Variants in VRK2 observed in about 807,000 individuals in gnomAD.
VRK2 encodes the protein serine/threonine-protein kinase VRK2.
A neutral mutation model predicts 57.6 loss-of-function variants in VRK2; 60 were observed. The ratio of observed to expected loss-of-function variants is 1.04; its 90% CI spans 0.85 to 1.29. The LOEUF is 1.29. VRK2 is among the 50% of genes most tolerant of loss of function. VRK2 has a pLI of 0.00. For missense variants in VRK2, 705 were observed against 588.1 expected (o/e 1.20, Z -2.06); for synonymous variants, 231 against 199.2 (o/e 1.16, Z -1.35).
intron 7 of VRK2, among the ~76,000 whole-genome samples, chr2:58,097,739 A>G (rs1317508282): frequency 6.6e-6 from 1 of 152,186 alleles, no homozygotes; most frequent in African/African-American, 2.4e-5. Flanking sequence ...TAATGCTGGT[A>G]TAAACAAACC....
intron 1 of VRK2, among the ~76,000 whole-genome samples, chr2:58,005,542 T>C (rs1162888395): frequency 6.6e-6 from 1 of 151,890 alleles, no homozygotes; most frequent in East Asian, 1.9e-4. Flanking sequence ...AAAAAATAAA[T>C]GAGGCCTAAC....
chr2:58,099,150 A>G lies in VRK2; in HGVS notation c.543+9427A>G, dbSNP rs551805536. Among the ~76,000 whole-genome samples, 65 of 152,150 alleles carry G rather than the reference A, an allele frequency of 4.3e-4. 1 individual carries two copies. Among genetic ancestry groups the G allele is most frequent in the African/African-American group, 1.3e-3 (52 of 41,552 alleles). ...TGTTTCGAGTAATGCCCACTTGCCT[A>G]TATCTCCCAGTGTCACTTGGAGGAA... On this transcript the variant is annotated intron_variant, in intron 7 of 12. Coordinates refer to ENST00000340157, the MANE Select transcript of VRK2 (RefSeq NM_006296.7).
At chr2:58,120,066 C>T (rs1170358730) in intron 7 of VRK2, among the ~76,000 whole-genome samples, 2 of 151,804 alleles carry the variant, frequency 1.3e-5, no homozygotes, top group Non-Finnish European at 2.9e-5. Context: ...CAAGGTTGCA[C>T]CCATGCATGT....
intron 1 of VRK2, among the ~76,000 whole-genome samples, chr2:57,951,512 C>G (rs1397691590): frequency 1.3e-5 from 2 of 152,192 alleles, no homozygotes; most frequent in Non-Finnish European, 2.9e-5. Flanking sequence ...GAAAGAAGTT[C>G]TACTGGAGGT....
intron 2 of VRK2, among the ~76,000 whole-genome samples, chr2:58,027,679 G>A (rs961645354): frequency 6.6e-6 from 1 of 152,016 alleles, no homozygotes; most frequent in Non-Finnish European, 1.5e-5. Flanking sequence ...GTAACTATTG[G>A]CCCCTATAAA....
upstream of VRK2, chr2:58,046,456 T>G (rs1470398866): frequency 2.0e-6 from 2 of 980,068 alleles, no homozygotes; most frequent in African/African-American, 1.8e-5. Context: ...TGGAAGCTCG[T>G]AGTACTCAGG....
chr2:57,998,815 G>A (rs1372606479), intron 1 of VRK2, among the ~76,000 whole-genome samples: 1 of 152,180 alleles, frequency 6.6e-6, no homozygotes, highest in Non-Finnish European at 1.5e-5. Context: ...GCTGCAACAA[G>A]TAAGTCTATG....
chr2:58,042,417 T>A (rs182193422), upstream of VRK2, among the ~76,000 whole-genome samples: 52 of 152,294 alleles, frequency 3.4e-4, no homozygotes, highest in East Asian at 7.1e-3. Context: ...AGTTTATGAG[T>A]GCAAATGGCC....
chr2:58,105,745 T>G (rs775337747), intron 7 of VRK2, among the ~76,000 whole-genome samples: 2 of 151,850 alleles, frequency 1.3e-5, no homozygotes, highest in Non-Finnish European at 2.9e-5. Flanking sequence ...TAGTGGCTCT[T>G]AAAAATCATG....
At chr2:58,039,214 C>A (rs1202988971) in intron 3 of VRK2, among the ~76,000 whole-genome samples, 1 of 152,130 alleles carries the variant, frequency 6.6e-6, no homozygotes, top group Non-Finnish European at 1.5e-5. Flanking sequence ...CACATAGGAT[C>A]ATATTCCAAG....
chr2:58,119,787 A>G (rs1478863540), intron 7 of VRK2, among the ~76,000 whole-genome samples: 1 of 151,462 alleles, frequency 6.6e-6, no homozygotes, highest in East Asian at 1.9e-4. Flanking sequence ...ATTTATATTT[A>G]TATTTGTATA....
intron 1 of VRK2, among the ~76,000 whole-genome samples, chr2:58,011,080 T>G (rs766359485): frequency 2.0e-5 from 3 of 152,288 alleles, no homozygotes; most frequent in Admixed American, 6.5e-5. Flanking sequence ...AACCAATCAT[T>G]TGAACTTTCC....
At chr2:58,119,618 A>G (rs1164973150) in intron 7 of VRK2, among the ~76,000 whole-genome samples, 2 of 151,706 alleles carry the variant, frequency 1.3e-5, no homozygotes, top group African/African-American at 4.8e-5. Flanking sequence ...TCTTATGTAT[A>G]GTTTCTACTC....
intron 11 of VRK2, among the ~76,000 whole-genome samples, chr2:58,144,639 CCCTTTGTTTCACACTAAT>C (rs1240535181): frequency 6.6e-6 from 1 of 151,900 alleles, no homozygotes; most frequent in Admixed American, 6.6e-5. Flanking sequence ...CCATGGGAGA[CCCTTTGTTTCACACTAAT>C]GGTATCAGGT....
chr2:57,970,924 G>C (rs1324155030), intron 1 of VRK2, among the ~76,000 whole-genome samples: 1 of 150,068 alleles, frequency 6.7e-6, no homozygotes, highest in Non-Finnish European at 1.5e-5. Flanking sequence ...TTCCTTTTTT[G>C]TTTTTCTTGC....
rs1199220834 is a variant in VRK2, at chr2:58,041,196, A to C, written c.-5-7631A>C. On this transcript the variant is annotated intron_variant, in intron 3 of 15. Transcript: ENST00000417641. ...GGCTAGTCAATATTTGGTTTACTAC[A>C]TTCAATTGTTTGAGAGATAATCTGA... The C allele has an allele frequency of 3.8e-5, 13 of 343,836 alleles. No individual in the cohort carries two copies. In the East Asian group the frequency reaches 2.2e-3, roughly 58 times the overall value. 21.3% of individuals were successfully genotyped at this position (343,836 alleles called of 1,614,324 possible). A position where few individuals can be genotyped will look rare whatever the true frequency, so the allele number is the denominator to read the frequency against.
intron 2 of VRK2, among the ~76,000 whole-genome samples, chr2:58,051,772 G>C (rs909433696): frequency 6.6e-6 from 1 of 152,144 alleles, no homozygotes; most frequent in Admixed American, 6.5e-5. Context: ...TAAGGGGAAG[G>C]GGCAGAGAAG....
intron 12 of VRK2, among the ~76,000 whole-genome samples, chr2:58,151,788 G>A (rs1683117942): frequency 1.0e-5 from 1 of 96,648 alleles, no homozygotes; most frequent in Non-Finnish European, 2.0e-5. Context: ...CTAGAGCAAG[G>A]GGTCAGTCAG....
chr2:57,922,623 C>T (rs951708798), intron 1 of VRK2, among the ~76,000 whole-genome samples: 6 of 151,554 alleles, frequency 4.0e-5, no homozygotes, highest in Non-Finnish European at 5.9e-5. Flanking sequence ...TTTGTGGGTA[C>T]ATAGGTGTAT....
Sources: gnomAD v4.1 joint callset for allele counts (sites outside exome capture counted in the v4.1 genomes callset) on GRCh38, gnomAD v4.1.1 for gene constraint, MANE v1.5 for transcripts, NCBI Gene and HGNC (gene_info 2026-07-23, HGNC 2026-07-21) for gene names.